NRXN2: variants seen among roughly 807,000 people sequenced by gnomAD.
NRXN2 encodes the protein neurexin 2.
A neutral mutation model predicts 128.8 loss-of-function variants in NRXN2; 29 were observed. The observed-to-expected ratio is 0.23, with a 90% confidence interval of 0.17 to 0.31. The LOEUF (loss-of-function observed/expected upper bound fraction) is 0.31. Ranked by LOEUF, NRXN2 falls within the 10% of genes least tolerant of loss-of-function variation. The pLI, the probability that NRXN2 is intolerant of heterozygous loss-of-function variation, is 1.00. For synonymous variants in NRXN2, 1,098 were observed against 1,075.2 expected, an observed-to-expected ratio of 1.02 and a Z score of -0.41; for missense variants, 1,881 against 2,452.6, an observed-to-expected ratio of 0.77 and a Z score of 4.92.
At chr11:64,692,205 T>TCATC (rs1317950387) in intron 4 of NRXN2, among the ~76,000 whole-genome samples, 1 of 152,136 alleles carries the variant, frequency 6.6e-6, no homozygotes, top group African/African-American at 2.4e-5. Context: ...CTCAACGTCG[T>TCATC]CATCTGTCAA....
At position 64,631,182 on chromosome 11, in the gene NRXN2, TG is replaced by T. The variant is rs2043851078; in HGVS notation, c.3586-610del. ...TGTGGGGGTGGACCCTCTGCAGCCA[TG>T]GGGGTGGAGGTGGGGGGTGTGGACT... On this transcript the variant is annotated intron_variant, in intron 18 of 22. Transcript: ENST00000265459. This position sits in a 1 kb window ranked among gnomAD's most constrained non-coding sequence, Gnocchi z 4.8. Among the ~76,000 whole-genome samples, 1 of 145,416 alleles carries T rather than the reference TG, an allele frequency of 6.9e-6. No individual in the cohort carries two copies. Among genetic ancestry groups the T allele is most frequent in the Non-Finnish European group, 1.5e-5 (1 of 66,412 alleles).
At chr11:64,659,293 T>A (rs2048698766) in intron 11 of NRXN2, 1 of 152,314 alleles carries the variant, frequency 6.6e-6, no homozygotes, top group Non-Finnish European at 1.5e-5. Flanking sequence ...GACTGCTTAT[T>A]CACTGCTGTA....
intron 19 of NRXN2, among the ~76,000 whole-genome samples, chr11:64,627,193 A>G: frequency 6.7e-6 from 1 of 149,944 alleles, no homozygotes; most frequent in East Asian, 2.0e-4. Context: ...CACACCCATG[A>G]CCCCCCTTAA....
intron 17 of NRXN2, chr11:64,643,358 GGGGAGGGGGGGGC>G: frequency 2.6e-6 from 2 of 767,742 alleles, no homozygotes; most frequent in Non-Finnish European, 3.1e-6. Context: ...GGAGCGGCCG[GGGGAGGGGGGGGC>G]GGGAGAAGGG....
intron 17 of NRXN2, chr11:64,642,933 G>A (rs976225049): frequency 2.4e-5 from 25 of 1,025,274 alleles, no homozygotes; most frequent in Non-Finnish European, 2.9e-5. Context: ...AGGTAAACCA[G>A]GGCCCAAGCC....
At chr11:64,701,139 C>G (rs2055294334) in intron 2 of NRXN2, among the ~76,000 whole-genome samples, 1 of 152,210 alleles carries the variant, frequency 6.6e-6, no homozygotes, top group African/African-American at 2.4e-5. Context: ...TCTACCGCCA[C>G]TCTTTTCACC....
At chr11:64,612,378 G>C (rs1004562504) in intron 22 of NRXN2, among the ~76,000 whole-genome samples, 31 of 152,254 alleles carry the variant, frequency 2.0e-4, no homozygotes, top group African/African-American at 6.7e-4. Context: ...ACCCCAGGCA[G>C]CCTCCCGCCT....
At chr11:64,701,203 AC>A in intron 2 of NRXN2, among the ~76,000 whole-genome samples, 1 of 152,210 alleles carries the variant, frequency 6.6e-6, no homozygotes. Flanking sequence ...CCATGTTACG[AC>A]CCTGCTGAAA....
chr11:64,673,989 G>A (rs1205511204), intron 7 of NRXN2, among the ~76,000 whole-genome samples: 1 of 147,488 alleles, frequency 6.8e-6, no homozygotes, highest in African/African-American at 2.5e-5. Flanking sequence ...AGTGAGCCGA[G>A]ATCGCGCCAC....
intron 1 of NRXN2, among the ~76,000 whole-genome samples, chr11:64,715,291 G>A (rs1168786169): frequency 6.6e-6 from 1 of 152,140 alleles, no homozygotes; most frequent in Non-Finnish European, 1.5e-5. Context: ...AAGGGATCTG[G>A]GGACTTGCCC....
At position 64,648,726 on chromosome 11, in the gene NRXN2, C is replaced by T; in HGVS notation, c.3283+8G>A. 1 of 1,613,370 alleles carries T rather than the reference C, an allele frequency of 6.2e-7. No homozygotes were observed. Among genetic ancestry groups the T allele is most frequent in the South Asian group, 1.1e-5 (1 of 91,054 alleles). On this transcript the variant is annotated splice_region_variant and intron_variant, in intron 16 of 22. Coordinates refer to ENST00000265459, the MANE Select transcript of NRXN2 (RefSeq NM_015080.4). This position sits in a 1 kb window ranked among gnomAD's most constrained non-coding sequence, Gnocchi z 4.1. ...GGGCCACACCTCACTCCTCCACCCT[C>T]CACTCACCATCACAGCCCCTCTCCA...
At chr11:64,681,052 G>A (rs771871120) in intron 6 of NRXN2, among the ~76,000 whole-genome samples, 42 of 148,504 alleles carry the variant, frequency 2.8e-4, no homozygotes, top group Non-Finnish European at 5.0e-4. Flanking sequence ...AGCTGAGACT[G>A]CGCCACTGCA....
At chr11:64,627,884 C>A (rs2135356347) in intron 19 of NRXN2, among the ~76,000 whole-genome samples, 1 of 152,306 alleles carries the variant, frequency 6.6e-6, no homozygotes, top group East Asian at 1.9e-4. Flanking sequence ...GCTGTGCTCA[C>A]CTGCCCAGAG....
chr11:64,712,603 G>A, intron 2 of NRXN2: 2 of 390,400 alleles, frequency 5.1e-6, no homozygotes, highest in South Asian at 2.0e-5. Context: ...CCCTGTCCAC[G>A]CAGACCCCCA....
chr11:64,664,263 G>A (rs567462309), intron 9 of NRXN2, among the ~76,000 whole-genome samples: 11 of 151,732 alleles, frequency 7.2e-5, no homozygotes, highest in Admixed American at 6.6e-4. Flanking sequence ...GATCACTTGA[G>A]GTCAGGAGTT....
chr11:64,607,931 C>A lies in NRXN2; in HGVS notation c.4404G>T (p.Ala1468=). Residue 1468 remains alanine (A), a synonymous_variant, in exon 23 of 23, where the codon GCG becomes GCT. Coordinates refer to ENST00000265459, the MANE Select transcript of NRXN2 (RefSeq NM_015080.4). ...ACGGGCCCCCAGAGGGCGGGCGGCG[C>A]GCGGCGGGCGGGGGCAGCGTGTCTT... The part of the protein sequence containing the change: ...ATQDTLPPPA[A]RRPPSGGPCQ... 1.3e-6 allele frequency: 2 copies of A among 1,496,878 alleles called. No individual in the cohort carries two copies. Among genetic ancestry groups the A allele is most frequent in the Non-Finnish European group, 1.8e-6 (2 of 1,117,396 alleles). The allele number at this position is 1,496,878 out of a possible 1,614,324, so 92.7% of individuals were successfully genotyped here. A position where few individuals can be genotyped will look rare whatever the true frequency, so the allele number is the denominator to read the frequency against.
At chr11:64,657,871 G>C (rs943329091) in intron 11 of NRXN2, among the ~76,000 whole-genome samples, 2 of 152,232 alleles carry the variant, frequency 1.3e-5, no homozygotes, top group Admixed American at 1.3e-4. Context: ...ACAGATGGGG[G>C]CAGGGGCACA....
intron 11 of NRXN2, 26 bp from the exon 12 acceptor site, chr11:64,653,748 G>C: frequency 6.5e-7 from 1 of 1,548,598 alleles, no homozygotes; most frequent in Non-Finnish European, 8.8e-7. Context: ...GGCGGGCAGA[G>C]GGGAAGGGGA....
chr11:64,711,587 G>A (rs913090509), intron 2 of NRXN2, among the ~76,000 whole-genome samples: 1 of 151,972 alleles, frequency 6.6e-6, no homozygotes, highest in African/African-American at 2.4e-5. Flanking sequence ...TCGGCCTCCG[G>A]GCAGCGCGGG....
Sources: gnomAD v4.1 joint callset for allele counts (sites outside exome capture counted in the v4.1 genomes callset) on GRCh38, gnomAD v4.1.1 for gene constraint, Gnocchi (gnomAD v3.1) non-coding constraint, MANE v1.5 for transcripts, NCBI Gene and HGNC (gene_info 2026-07-23, HGNC 2026-07-21) for gene names.